SGCZ: variants seen among roughly 807,000 people sequenced by gnomAD.
The protein encoded by SGCZ is zeta-sarcoglycan.
A neutral mutation model predicts 41.3 loss-of-function variants in SGCZ; 40 were observed. The ratio of observed to expected loss-of-function variants is 0.97; its 90% CI spans 0.75 to 1.26. The LOEUF is 1.26. Ranked by LOEUF, SGCZ falls within the 50% of genes most tolerant of loss-of-function variation. The pLI, the probability that SGCZ is intolerant of heterozygous loss-of-function variation, is 0.00. For missense variants in SGCZ, 552 were observed against 369.8 expected (o/e 1.49, Z -4.04); for synonymous variants, 206 against 137.5 (o/e 1.50, Z -3.49).
At chr8:14,411,864 T>G (rs934212954) in intron 2 of SGCZ, among the ~76,000 whole-genome samples, 1 of 152,082 alleles carries the variant, frequency 6.6e-6, no homozygotes, top group South Asian at 2.1e-4. Context: ...ACATTTCTAT[T>G]TGATGGAACG....
At chr8:14,467,343 C>A (rs1466135037) in intron 2 of SGCZ, among the ~76,000 whole-genome samples, 1 of 151,976 alleles carries the variant, frequency 6.6e-6, no homozygotes, top group East Asian at 1.9e-4. Flanking sequence ...GAGCTTTCAA[C>A]AATGGGGGCA....
In SGCZ at chr8:15,079,455, GAAA is replaced by G. The variant is rs1447876554; in HGVS notation, c.39+158127_39+158129del. 2.6e-5 allele frequency among the ~76,000 whole-genome samples: 4 copies of G among 152,218 alleles called. No individual in the cohort carries two copies. In the East Asian group the frequency reaches 7.8e-4, roughly 29 times the overall value. On this transcript the variant is annotated intron_variant, in intron 1 of 7. Coordinates refer to ENST00000382080, the MANE Select transcript of SGCZ (RefSeq NM_139167.4). Reference sequence around the variant, plus strand: ...CTATTGCTATTGCTAACTATAAGATGAAATTATTTTTTCTGGCTTATAGATAAC... The same window carrying G: ...CTATTGCTATTGCTAACTATAAGATGTTATTTTTTCTGGCTTATAGATAAC...
At chr8:14,297,946 A>C (rs1387045029) in intron 3 of SGCZ, among the ~76,000 whole-genome samples, 1 of 152,068 alleles carries the variant, frequency 6.6e-6, no homozygotes, top group Non-Finnish European at 1.5e-5. Context: ...CAATAAAATG[A>C]AGTTACAAAA....
chr8:15,002,957 C>A (rs914467576), intron 1 of SGCZ, among the ~76,000 whole-genome samples: 1 of 152,076 alleles, frequency 6.6e-6, no homozygotes, highest in Admixed American at 6.5e-5. Flanking sequence ...CTCACAAGAT[C>A]TGATGGTTTT....
At chr8:14,170,467 A>C (rs1455873891) in intron 4 of SGCZ, among the ~76,000 whole-genome samples, 1 of 152,122 alleles carries the variant, frequency 6.6e-6, no homozygotes, top group Non-Finnish European at 1.5e-5. Flanking sequence ...CAAGCCATTT[A>C]ATAAACTAAC....
chr8:14,497,688 A>C (rs912810110), intron 2 of SGCZ, among the ~76,000 whole-genome samples: 1 of 152,082 alleles, frequency 6.6e-6, no homozygotes, highest in Non-Finnish European at 1.5e-5. Context: ...CAGGGAAGCC[A>C]AAAGACTGGA....
At chr8:14,659,470 G>A (rs188288572) in intron 1 of SGCZ, among the ~76,000 whole-genome samples, 5 of 152,028 alleles carry the variant, frequency 3.3e-5, no homozygotes, top group Admixed American at 6.6e-5. Flanking sequence ...ACAACAACAC[G>A]ATCTGTAAAG....
rs527513087 is a variant in SGCZ at position 15,040,478 on chromosome 8, G to A, written c.39+197107C>T. 3.9e-5 allele frequency among the ~76,000 whole-genome samples: 6 copies of A among 152,176 alleles called. No homozygotes were observed. The South Asian group carries it at 1.2e-3, about 32-fold the overall frequency. ...AAAATACAAAAAAAATTAGCCGGGA[G>A]TGGTGGCAGGCATCTGTAATCCCAG... is the stretch of plus-strand genomic sequence containing the variant. On this transcript the variant is annotated intron_variant, in intron 1 of 7. Coordinates refer to ENST00000382080, the MANE Select transcript of SGCZ (RefSeq NM_139167.4).
At chr8:15,175,674 C>T (rs910345920) in intron 1 of SGCZ, among the ~76,000 whole-genome samples, 2 of 152,040 alleles carry the variant, frequency 1.3e-5, no homozygotes, top group Admixed American at 6.6e-5. Context: ...GCACATCCTG[C>T]ACATGTACCC....
chr8:15,097,343 G>A (rs1413692953), intron 1 of SGCZ, among the ~76,000 whole-genome samples: 1 of 152,066 alleles, frequency 6.6e-6, no homozygotes, highest in African/African-American at 2.4e-5. Flanking sequence ...TTTACCTGCA[G>A]TAGCTTGAGC....
At chr8:14,290,908 T>C (rs1041622040) in intron 3 of SGCZ, among the ~76,000 whole-genome samples, 5 of 152,140 alleles carry the variant, frequency 3.3e-5, no homozygotes, top group Admixed American at 2.0e-4. Context: ...ATAGTAACAG[T>C]ATTCACCATA....
At chr8:14,523,879 ACT>A (rs1431979569) in intron 2 of SGCZ, among the ~76,000 whole-genome samples, 1 of 150,070 alleles carries the variant, frequency 6.7e-6, no homozygotes, top group South Asian at 2.1e-4. Flanking sequence ...TTTTTTCCCT[ACT>A]CTGTTTTCTT....
intron 2 of SGCZ, among the ~76,000 whole-genome samples, chr8:14,545,892 G>C (rs1239685908): frequency 2.0e-5 from 3 of 152,142 alleles, no homozygotes; most frequent in South Asian, 2.1e-4. Flanking sequence ...GTATGATTTT[G>C]TGATTTATCT....
chr8:14,452,906 C>G (rs1027845949), intron 2 of SGCZ, among the ~76,000 whole-genome samples: 2 of 151,966 alleles, frequency 1.3e-5, no homozygotes, highest in Non-Finnish European at 1.5e-5. Context: ...AGTTTGAGAC[C>G]AGCTTCGTCA....
intron 1 of SGCZ, among the ~76,000 whole-genome samples, chr8:15,168,787 A>G: frequency 6.6e-6 from 1 of 152,168 alleles, no homozygotes; most frequent in Non-Finnish European, 1.5e-5. Flanking sequence ...TTGTGTCTCC[A>G]TATGACGGGA....
At chr8:15,098,112 A>C (rs1228599996) in intron 1 of SGCZ, among the ~76,000 whole-genome samples, 1 of 151,784 alleles carries the variant, frequency 6.6e-6, no homozygotes, top group Non-Finnish European at 1.5e-5. Flanking sequence ...TTTATGTAGA[A>C]GTAACAGCCC....
At chr8:14,976,263 T>C (rs567971082) in intron 1 of SGCZ, among the ~76,000 whole-genome samples, 1 of 152,082 alleles carries the variant, frequency 6.6e-6, no homozygotes, top group South Asian at 2.1e-4. Flanking sequence ...CCTCAAGTGA[T>C]CCACCTGCCT....
intron 1 of SGCZ, among the ~76,000 whole-genome samples, chr8:14,893,929 T>C (rs1467927905): frequency 6.6e-6 from 1 of 152,196 alleles, no homozygotes; most frequent in African/African-American, 2.4e-5. Flanking sequence ...TTAGAGCATA[T>C]GACAGTTTCC....
At chr8:14,407,337 C>A (rs1799240015) in intron 2 of SGCZ, among the ~76,000 whole-genome samples, 1 of 151,932 alleles carries the variant, frequency 6.6e-6, no homozygotes, top group African/African-American at 2.4e-5. Context: ...TATGCCACAG[C>A]TAAAAACTAC....
Sources: gnomAD v4.1 joint callset for allele counts (sites outside exome capture counted in the v4.1 genomes callset) on GRCh38, gnomAD v4.1.1 for gene constraint, MANE v1.5 for transcripts, NCBI Gene and HGNC (gene_info 2026-07-23, HGNC 2026-07-21) for gene names.